The following KIF5A variants were observed in gnomAD, a reference collection of about 807,000 sequenced individuals.
KIF5A encodes kinesin family member 5A, also known as kinesin heavy chain isoform 5A.
KIF5A carries 35 observed loss-of-function variants against 141.3 expected under a neutral mutation model. That is an observed-to-expected ratio of 0.25 (90% CI 0.19 to 0.33). The LOEUF is 0.33. Ranked by LOEUF, KIF5A falls within the 10% of genes least tolerant of loss-of-function variation. KIF5A has a pLI of 1.00. For missense variants in KIF5A, 861 were observed against 1,314.3 expected (o/e 0.66, Z 5.33); for synonymous variants, 448 against 500.2 (o/e 0.90, Z 1.39).
intron 1 of KIF5A, among the ~76,000 whole-genome samples, chr12:57,561,032 T>C (rs1031148087): frequency 2.0e-5 from 3 of 151,880 alleles, no homozygotes; most frequent in African/African-American, 7.3e-5. Flanking sequence ...TTTTGATTAT[T>C]TGTTTGTTTA....
rs181347298 is a variant in KIF5A at position 57,564,280 on chromosome 12, T to G, written c.396+68T>G. On this transcript the variant is annotated intron_variant, in intron 4 of 28. Coordinates refer to ENST00000455537, the MANE Select transcript of KIF5A (RefSeq NM_004984.4). Reference sequence around the variant, plus strand: ...AGGGGAAGATCTAAAATCTTCCCACTGAAGAGCCTGGGCTCCCCAACTTGA... The same window carrying G: ...AGGGGAAGATCTAAAATCTTCCCACGGAAGAGCCTGGGCTCCCCAACTTGA... 2.4e-6 allele frequency: 3 copies of G among 1,240,328 alleles called. No individual in the cohort carries two copies. In the African/African-American group the frequency reaches 4.4e-5, roughly 18 times the overall value. The allele number at this position is 1,240,328 out of a possible 1,614,324, so 76.8% of individuals were successfully genotyped here.
intron 1 of KIF5A, among the ~76,000 whole-genome samples, chr12:57,555,681 C>G (rs143570541): frequency 6.6e-6 from 1 of 151,742 alleles, no homozygotes; most frequent in Admixed American, 6.6e-5. Context: ...GAGACAGAGG[C>G]GGGTGGATAA....
intron 1 of KIF5A, among the ~76,000 whole-genome samples, chr12:57,554,092 G>C (rs1881661309): frequency 6.6e-6 from 1 of 151,772 alleles, no homozygotes; most frequent in African/African-American, 2.4e-5. Context: ...AATGTGAGGA[G>C]GGGGGATATG....
At chr12:57,582,875 C>T in intron 27 of KIF5A, 1 of 638,086 alleles carries the variant, frequency 1.6e-6, no homozygotes, top group Non-Finnish European at 2.8e-6. Context: ...TGGACGAAAA[C>T]AACGTGGGCA....
rs540768574 is a variant in KIF5A, at chr12:57,569,435, G to T, written c.968+31G>T. The T allele has an allele frequency of 3.8e-5, 61 of 1,613,756 alleles. No individual in the cohort carries two copies. The South Asian group carries it at 5.7e-4, about 15-fold the overall frequency. On this transcript the variant is annotated intron_variant, in intron 10 of 28. Transcript: ENST00000455537. ...TGGCAGGGTCCCCAGAGGGATCCCT[G>T]GTACCCAGCTTCCCATCCCAGCCTC...
rs2140169231 is a variant in KIF5A, at chr12:57,577,693, C to T, written c.2301-20C>T. ...GAGTCCTGAGGGATCTTTCCATTTC[C>T]CTTATTTCTCTTGCTACAGATTTCT... On this transcript the variant is annotated intron_variant, in intron 20 of 28. Transcript: ENST00000455537. 1 of 1,607,852 alleles carries T rather than the reference C, an allele frequency of 6.2e-7. No individual in the cohort carries two copies. The highest frequency in any genetic ancestry group is 8.5e-7 in the Non-Finnish European group (1 of 1,174,400).
chr12:57,582,733 G>C (rs1037525995), intron 27 of KIF5A, 104 bp downstream of exon 27: 44 of 948,194 alleles, frequency 4.6e-5, no homozygotes, highest in Middle Eastern at 4.7e-4. Context: ...TTTGGGGAAG[G>C]GGGAGGGAGT....
chr12:57,567,659 C>CT (rs766848587), intron 8 of KIF5A, 41 bp downstream of exon 8: 3 of 1,509,574 alleles, frequency 2.0e-6, no homozygotes, highest in Non-Finnish European at 2.7e-6. Context: ...GAAGCCTTGG[C>CT]TCTTTTTTTT....
rs183823932 is a variant in KIF5A at position 57,567,037 on chromosome 12, C to G, written c.502-89C>G. 126 of 658,738 alleles carry G rather than the reference C, an allele frequency of 1.9e-4. 1 individual carries two copies. In the African/African-American group the frequency reaches 2.2e-3, roughly 11 times the overall value. The allele number at this position is 658,738 out of a possible 1,614,324, so 40.8% of individuals were successfully genotyped here. A position where few individuals can be genotyped will look rare whatever the true frequency, so the allele number is the denominator to read the frequency against. On this transcript the variant is annotated intron_variant, in intron 6 of 28. Coordinates refer to ENST00000455537, the MANE Select transcript of KIF5A (RefSeq NM_004984.4). ...GCCTGGGCAGAGCGAGACTCCATCT[C>G]AAAAGAAAATAATAATAATAAAAAT...
At position 57,567,630 on chromosome 12, in the gene KIF5A, TGTGGATATGGG is replaced by T. The variant is rs1483995078; in HGVS notation, c.714+17_714+27del. 3 of 1,605,912 alleles carry T rather than the reference TGTGGATATGGG, an allele frequency of 1.9e-6. No homozygotes were observed. Among genetic ancestry groups the T allele is most frequent in the Admixed American group, 1.7e-5 (1 of 59,506 alleles). The stretch of plus-strand genomic sequence containing the variant: ...CAGGGAGTGAGAAGGTAGGGGGTCC[TGTGGATATGGG>T]GTGGGTGGAAGCCTTGGCTCTTTTT... On this transcript the variant is annotated intron_variant, in intron 8 of 28. Transcript: ENST00000455537.
chr12:57,568,121 TC>T (rs1882125881), intron 8 of KIF5A, among the ~76,000 whole-genome samples: 2 of 152,006 alleles, frequency 1.3e-5, no homozygotes, highest in African/African-American at 4.8e-5. Flanking sequence ...GACCTCGGGA[TC>T]CACCTGCCTC....
chr12:57,562,370 C>T (rs1881934482), intron 1 of KIF5A, among the ~76,000 whole-genome samples: 1 of 152,230 alleles, frequency 6.6e-6, no homozygotes, highest in African/African-American at 2.4e-5. Flanking sequence ...TGCCTGCCAC[C>T]ACGCCCAGCT....
intron 25 of KIF5A, 40 bp from the exon 26 acceptor site, chr12:57,581,830 G>A (rs1015375642): frequency 6.5e-7 from 1 of 1,549,368 alleles, no homozygotes; most frequent in African/African-American, 1.4e-5. Context: ...CTAGTGGAGG[G>A]TGGGTGTCAG....
chr12:57,581,454 C>T lies in KIF5A; in HGVS notation c.2795C>T (p.Pro932Leu), dbSNP rs1882597883. Residue 932 changes from proline to leucine, a missense_variant, in exon 25 of 29, where the codon CCC becomes CTC. By Grantham distance (98) the Pro-to-Leu change is moderately conservative. Coordinates refer to ENST00000455537, the MANE Select transcript of KIF5A (RefSeq NM_004984.4). ...CCTGGCCACTACCCAGCATCCTCAC[C>T]CACCAACCCCTATGGCACCCGGAGC... ...VRPGHYPASS[P>L]TNPYGTRSPE... 6.2e-7 allele frequency: 1 copy of T among 1,614,044 alleles called. No individual in the cohort carries two copies. Among genetic ancestry groups the T allele is most frequent in the East Asian group, 2.2e-5 (1 of 44,880 alleles).
In KIF5A at chr12:57,569,583, T is replaced by C. The variant is rs1882180592; in HGVS notation, c.1017T>C (p.Ala339=). ...NTASVNLELT[A]EQWKKKYEKE... Reference sequence around the variant, plus strand: ...CCTCAGTAAATTTGGAGTTGACTGCTGAGCAGTGGAAGAAGAAATATGAGA... The same window carrying C: ...CCTCAGTAAATTTGGAGTTGACTGCCGAGCAGTGGAAGAAGAAATATGAGA... The change falls in exon 11 of 29, where the codon GCT becomes GCC. Residue 339 remains alanine (A), a synonymous_variant. Coordinates refer to ENST00000455537, the MANE Select transcript of KIF5A (RefSeq NM_004984.4). The C allele has an allele frequency of 6.2e-7, 1 of 1,613,946 alleles. No homozygotes were observed. The highest frequency in any genetic ancestry group is 1.3e-5 in the African/African-American group (1 of 74,898).
chr12:57,569,203 C>G lies in KIF5A; in HGVS notation c.820-53C>G, dbSNP rs946920186. Reference sequence around the variant, plus strand: ...GTGGCACCACTATCCTTTCTGATTCCCTGTTGAATTTTATTTGTTTATTTC... The same window carrying G: ...GTGGCACCACTATCCTTTCTGATTCGCTGTTGAATTTTATTTGTTTATTTC... On this transcript the variant is annotated intron_variant, in intron 9 of 28. Coordinates refer to ENST00000455537, the MANE Select transcript of KIF5A (RefSeq NM_004984.4). 3 of 1,608,066 alleles carry G rather than the reference C, an allele frequency of 1.9e-6. No individual in the cohort carries two copies. The East Asian group carries it at 6.7e-5, about 36-fold the overall frequency.
chr12:57,575,853 G>A (rs1186304020), intron 17 of KIF5A, 96 bp downstream of exon 17: 3 of 1,028,480 alleles, frequency 2.9e-6, no homozygotes, highest in East Asian at 2.4e-5. Flanking sequence ...CAAAGCATTA[G>A]CTTGAAATCA....
chr12:57,569,943 G>GCTT (rs748002324), intron 11 of KIF5A, 44 bp from the exon 12 acceptor site: 6 of 1,599,722 alleles, frequency 3.8e-6, no homozygotes, highest in Non-Finnish European at 4.3e-6. Context: ...CGTGGATGCA[G>GCTT]CTTCTTCTTC....
In KIF5A at chr12:57,555,681, C is replaced by T. The variant is rs143570541; in HGVS notation, c.129+5281C>T. On this transcript the variant is annotated intron_variant, in intron 1 of 28. Transcript: ENST00000455537. The stretch of plus-strand genomic sequence containing the variant: ...ATCTCAGCACTTTGGGAGACAGAGG[C>T]GGGTGGATAACAAGGTCAGGAGTTC... Among the ~76,000 whole-genome samples the T allele has an allele frequency of 1.3e-4, 19 of 151,860 alleles. No individual in the cohort carries two copies. The East Asian group carries it at 2.9e-3, about 23-fold the overall frequency.
Sources: gnomAD v4.1 joint callset for allele counts (sites outside exome capture counted in the v4.1 genomes callset) on GRCh38, gnomAD v4.1.1 for gene constraint, MANE v1.5 for transcripts, NCBI Gene and HGNC (gene_info 2026-07-23, HGNC 2026-07-21) for gene names.